The following CCNI variants were observed in gnomAD, a reference collection of about 807,000 sequenced individuals.
The protein encoded by CCNI is cyclin-I.
In CCNI, 14 loss-of-function variants were observed where a neutral mutation model predicts 34.1. The ratio of observed to expected loss-of-function variants is 0.41; its 90% CI spans 0.27 to 0.64. The LOEUF (loss-of-function observed/expected upper bound fraction) is 0.64, where lower values mean the gene tolerates loss of function less well. CCNI is among the 30% of genes least tolerant of loss of function. CCNI has a pLI of 0.31. For missense variants in CCNI, 385 were observed against 440.5 expected (o/e 0.87, Z 1.13); for synonymous variants, 154 against 158.4 (o/e 0.97, Z 0.21).
intron 1 of CCNI, among the ~76,000 whole-genome samples, chr4:77,072,174 G>T (rs1221645151): frequency 1.3e-5 from 2 of 151,950 alleles, no homozygotes; most frequent in African/African-American, 2.4e-5. Context: ...AACCAAGTGG[G>T]ATTTGTTCCA....
At chr4:77,051,446 G>A (rs925336655) in intron 6 of CCNI, among the ~76,000 whole-genome samples, 23 of 152,114 alleles carry the variant, frequency 1.5e-4, no homozygotes, top group African/African-American at 5.1e-4. Context: ...GTGAAAAAAC[G>A]AAGTAAATAG....
chr4:77,061,763 A>G (rs576234978), intron 2 of CCNI, among the ~76,000 whole-genome samples: 1 of 152,188 alleles, frequency 6.6e-6, no homozygotes, highest in South Asian at 2.1e-4. Flanking sequence ...TCCGCCTCCC[A>G]GGTTCACACC....
intron 2 of CCNI, among the ~76,000 whole-genome samples, chr4:77,062,014 T>TG (rs1728640277): frequency 6.6e-6 from 1 of 152,158 alleles, no homozygotes; most frequent in South Asian, 2.1e-4. Context: ...ACTTTCTGTC[T>TG]TAAACTTCAT....
At chr4:77,071,845 G>A (rs1474332445) in intron 1 of CCNI, among the ~76,000 whole-genome samples, 2 of 151,942 alleles carry the variant, frequency 1.3e-5, no homozygotes, top group African/African-American at 4.8e-5. Flanking sequence ...CAGAAAAAAA[G>A]AAAGAAAGAA....
chr4:77,074,157 C>T (rs1241985767), intron 1 of CCNI, among the ~76,000 whole-genome samples: 1 of 152,204 alleles, frequency 6.6e-6, no homozygotes, highest in South Asian at 2.1e-4. Flanking sequence ...TTGACCAACA[C>T]ACATGCTAAG....
intron 1 of CCNI, 35 bp downstream of exon 1, chr4:77,075,437 C>T (rs2109863761): frequency 2.3e-6 from 2 of 870,042 alleles, no homozygotes; most frequent in East Asian, 1.3e-4. Flanking sequence ...GCCGCGGAGA[C>T]GCGTCGAGCC....
chr4:77,051,954 GTT>G (rs374549894), intron 6 of CCNI, among the ~76,000 whole-genome samples: 1 of 141,378 alleles, frequency 7.1e-6, no homozygotes, highest in Non-Finnish European at 1.6e-5. Flanking sequence ...CTGTTTTTTT[GTT>G]TTTTTTTTTT....
At chr4:77,074,202 C>T (rs539270062) in intron 1 of CCNI, among the ~76,000 whole-genome samples, 203 of 152,332 alleles carry the variant, frequency 1.3e-3, no homozygotes, top group African/African-American at 4.7e-3. Flanking sequence ...CACATTACCA[C>T]ATAAACTACC....
chr4:77,052,127 C>G (rs4252922), intron 6 of CCNI, among the ~76,000 whole-genome samples: 2,682 of 151,918 alleles, frequency 0.018, 75 homozygotes, highest in African/African-American at 0.061. Context: ...CCTCCCTCCC[C>G]CTTCTAGTAG....
Position 77,055,244 on chromosome 4 carries a change from C to G in CCNI, c.596G>C (p.Gly199Ala). ...AACCATGGCCAGAGCAAGCATGGAT[C>G]CTCTGAATTGCAGAAGTTGGTTGCA... Reference protein sequence around the residue: ...MACNQLLQFRGSMLALAMVSL... With the variant: ...MACNQLLQFRASMLALAMVSL... Residue 199 changes from glycine (G) to alanine (A), a missense_variant, in exon 6 of 7, where the codon GGA (glycine) becomes GCA (alanine). Around this residue, in one of 2 missense-constraint regions of CCNI, gnomAD observed 250 missense variants for 248.7 expected, o/e 1.01. Coordinates refer to ENST00000237654, the MANE Select transcript of CCNI (RefSeq NM_006835.3). The G allele has an allele frequency of 6.2e-7, 1 of 1,614,042 alleles. No individual in the cohort carries two copies. The highest frequency in any genetic ancestry group is 8.5e-7 in the Non-Finnish European group (1 of 1,179,922).
intron 1 of CCNI, among the ~76,000 whole-genome samples, chr4:77,071,174 G>T (rs561059990): frequency 6.6e-6 from 1 of 152,290 alleles, no homozygotes; most frequent in African/African-American, 2.4e-5. Flanking sequence ...AGGTTCAATG[G>T]ATTCCCGTTC....
chr4:77,054,117 AT>A (rs1194006767), intron 6 of CCNI, among the ~76,000 whole-genome samples: 1 of 151,962 alleles, frequency 6.6e-6, no homozygotes, highest in Admixed American at 6.6e-5. Context: ...AAAAAAAATT[AT>A]TTTTTTGCCT....
chr4:77,075,380 C>T, intron 1 of CCNI, 92 bp downstream of exon 1: 1 of 402,318 alleles, frequency 2.5e-6, no homozygotes, highest in Non-Finnish European at 3.4e-6. Flanking sequence ...GGCGCTGCCA[C>T]GGGGGCGGCG....
In CCNI at chr4:77,055,759, G is replaced by A. The variant is rs553880355; in HGVS notation, c.459+203C>T. Among the ~76,000 whole-genome samples the A allele has an allele frequency of 7.6e-4, 115 of 152,028 alleles. 1 individual carries two copies. The highest frequency in any genetic ancestry group is 2.7e-3 in the African/African-American group (113 of 41,542). The stretch of plus-strand genomic sequence containing the variant: ...TGGGATTACAGGCGTGAGCCACCGC[G>A]CCCAGCCTAACCTATTCAATTTCTA... On this transcript the variant is annotated intron_variant, in intron 5 of 6. Transcript: ENST00000237654.
chr4:77,048,397 G>T lies in CCNI; in HGVS notation c.956C>A (p.Thr319Asn), dbSNP rs192307419. Residue 319 changes from threonine (T) to asparagine (N), a missense_variant, in exon 7 of 7, where the codon ACC becomes AAC. By Grantham distance (65) the Thr-to-Asn change is moderately conservative. Around this residue, in one of 2 missense-constraint regions of CCNI, gnomAD observed 250 missense variants for 248.7 expected, o/e 1.01. Transcript: ENST00000237654. ...HLPAASGCKQ[T>N]STKRKVEEME... ...TTCCTCTACTTTGCGTTTAGTAGAG[G>T]TCTGCTTGCACCCACTGGCAGCTGG... is the stretch of plus-strand genomic sequence containing the variant. 5 of 1,614,056 alleles carry T rather than the reference G, an allele frequency of 3.1e-6. No individual in the cohort carries two copies. Among genetic ancestry groups the T allele is most frequent in the East Asian group, 2.2e-5 (1 of 44,882 alleles).
chr4:77,062,160 A>C (rs1728655027), intron 2 of CCNI, among the ~76,000 whole-genome samples: 1 of 152,128 alleles, frequency 6.6e-6, no homozygotes, highest in African/African-American at 2.4e-5. Flanking sequence ...ATCTCTTGAG[A>C]GCTATTTTGA....
rs1246849819 is a variant in CCNI, at chr4:77,048,037, G to A, written c.*182C>T. The stretch of plus-strand genomic sequence containing the variant: ...TTTTTTTTTTTTTTGGTCTTTATGT[G>A]CTTAAATAACGCTGAATTATAATTA... On this transcript the variant is annotated 3_prime_UTR_variant, in exon 7 of 7. Coordinates refer to ENST00000237654, the MANE Select transcript of CCNI (RefSeq NM_006835.3). 1 of 441,842 alleles carries A rather than the reference G, an allele frequency of 2.3e-6. No individual in the cohort carries two copies. The highest frequency in any genetic ancestry group is 3.8e-5 in the Admixed American group (1 of 26,104). The allele number at this position is 441,842 out of a possible 1,614,324, so 27.4% of individuals were successfully genotyped here. A position where few individuals can be genotyped will look rare whatever the true frequency, so the allele number is the denominator to read the frequency against.
intron 2 of CCNI, 101 bp from the exon 3 acceptor site, chr4:77,058,736 T>C: frequency 1.1e-6 from 1 of 930,444 alleles, no homozygotes; most frequent in Non-Finnish European, 1.6e-6. Flanking sequence ...TACTACAAAA[T>C]ATATTTAAAA....
intron 6 of CCNI, among the ~76,000 whole-genome samples, chr4:77,051,432 C>A (rs1052963159): frequency 1.3e-5 from 2 of 152,132 alleles, no homozygotes; most frequent in Non-Finnish European, 2.9e-5. Flanking sequence ...TATAATCTTT[C>A]TGTGTGAAAA....
Sources: gnomAD v4.1 joint callset for allele counts (sites outside exome capture counted in the v4.1 genomes callset) on GRCh38, gnomAD v4.1.1 for gene constraint, gnomAD v4.1.1 regional missense constraint, MANE v1.5 for transcripts, NCBI Gene and HGNC (gene_info 2026-07-23, HGNC 2026-07-21) for gene names.